The following ANXA4 variants were observed in gnomAD, a reference collection of about 807,000 sequenced individuals.
ANXA4 encodes the protein 35-beta calcimedin.
Under a neutral mutation model 49.8 loss-of-function variants are expected in ANXA4, and 39 were observed. The observed-to-expected ratio is 0.78, with a 90% CI of 0.61 to 1.02. The LOEUF (loss-of-function observed/expected upper bound fraction) is 1.02. ANXA4 is among the 50% of genes least tolerant of loss of function. The pLI, the probability that ANXA4 is intolerant of heterozygous loss-of-function variation, is 0.00. For synonymous variants in ANXA4, 134 were observed against 152.5 expected (o/e 0.88, Z 0.89); for missense variants, 360 against 410.1 (o/e 0.88, Z 1.05).
chr2:69,770,628 C>A (rs1671667453), intron 1 of ANXA4, among the ~76,000 whole-genome samples: 1 of 152,038 alleles, frequency 6.6e-6, no homozygotes, highest in African/African-American at 2.4e-5. Flanking sequence ...GGTGAATTCA[C>A]CACAATGCAA....
chr2:69,782,376 T>G (rs1672233831), intron 2 of ANXA4, among the ~76,000 whole-genome samples: 1 of 152,224 alleles, frequency 6.6e-6, no homozygotes, highest in African/African-American at 2.4e-5. Context: ...TCTTTTGCAT[T>G]AGATATTCCA....
chr2:69,668,354 G>T (rs1002415891), intron 2 of ANXA4, among the ~76,000 whole-genome samples: 8 of 152,188 alleles, frequency 5.3e-5, no homozygotes, highest in African/African-American at 1.9e-4. Flanking sequence ...GCTCATGCCT[G>T]TAATCCCAGC....
At chr2:69,715,920 A>G (rs954807357) in intron 2 of ANXA4, among the ~76,000 whole-genome samples, 2 of 152,180 alleles carry the variant, frequency 1.3e-5, no homozygotes, top group African/African-American at 4.8e-5. Flanking sequence ...AGAGAGTCCA[A>G]GGCATGGTCA....
intron 2 of ANXA4, among the ~76,000 whole-genome samples, chr2:69,673,098 A>T (rs1278755498): frequency 2.0e-5 from 3 of 152,206 alleles, no homozygotes; most frequent in African/African-American, 7.2e-5. Flanking sequence ...ATTGTGGAAG[A>T]CAGTGTGGCA....
chr2:69,790,562 C>T (rs553591856), intron 3 of ANXA4, among the ~76,000 whole-genome samples: 2 of 152,218 alleles, frequency 1.3e-5, no homozygotes, highest in Admixed American at 1.3e-4. Context: ...TTGTTTGATA[C>T]CTGTGAGCCA....
At chr2:69,757,262 ATATATTTT>A (rs1236820173) in intron 1 of ANXA4, among the ~76,000 whole-genome samples, 7,501 of 47,018 alleles carry the variant, frequency 0.16, 177 homozygotes, top group East Asian at 0.27. Flanking sequence ...ATATATATAT[ATATATTTT>A]TTTTTTTTTT....
chr2:69,781,240 T>C, intron 1 of ANXA4: 1 of 457,466 alleles, frequency 2.2e-6, no homozygotes, highest in East Asian at 4.1e-5. Flanking sequence ...GTATTGGTAC[T>C]TAACCTAACA....
chr2:69,785,623 G>A (rs773564400), intron 2 of ANXA4, among the ~76,000 whole-genome samples: 2 of 151,962 alleles, frequency 1.3e-5, no homozygotes, highest in Non-Finnish European at 2.9e-5. Context: ...TCTGGGTTTT[G>A]TGCTAAGTGC....
intron 3 of ANXA4, among the ~76,000 whole-genome samples, chr2:69,790,330 G>A (rs1438604395): frequency 6.6e-6 from 1 of 152,076 alleles, no homozygotes; most frequent in Non-Finnish European, 1.5e-5. Flanking sequence ...GGCGTTGTGT[G>A]GGGAACAGCA....
chr2:69,743,063 G>C (rs1273822238), intron 1 of ANXA4, among the ~76,000 whole-genome samples: 1 of 152,188 alleles, frequency 6.6e-6, no homozygotes, highest in African/African-American at 2.4e-5. Context: ...GCCCAGGCTG[G>C]AGTGCAGTGG....
At chr2:69,653,063 T>C (rs1420788023) in exon 2 of ANXA4, 1 of 152,196 alleles carries the variant, frequency 6.6e-6, no homozygotes, top group African/African-American at 2.4e-5. Context: ...GTGTGATCTG[T>C]GTCTGAGGAA....
Position 69,656,062 on chromosome 2 carries a change from A to T in ANXA4, n.766+2780A>T, listed in dbSNP as rs544628583. Among the ~76,000 whole-genome samples, 27 of 151,770 alleles carry T rather than the reference A, an allele frequency of 1.8e-4. No homozygotes were observed. The South Asian group carries it at 5.6e-3, about 32-fold the overall frequency. On this transcript the variant is annotated intron_variant and non_coding_transcript_variant, in intron 2 of 3. Transcript: ENST00000418066. ...CTAAGGGAGGGATAGCGTTAGAAGAAATACCTAATGTAGATGATGGGTTGA... is the reference window on the plus strand; with the variant it reads ...CTAAGGGAGGGATAGCGTTAGAAGATATACCTAATGTAGATGATGGGTTGA...
At chr2:69,727,798 A>T (rs1669999881) in intron 3 of ANXA4, among the ~76,000 whole-genome samples, 1 of 152,146 alleles carries the variant, frequency 6.6e-6, no homozygotes, top group Non-Finnish European at 1.5e-5. Flanking sequence ...GCTTATTACG[A>T]TTTTAACAAT....
exon 1 of ANXA4, chr2:69,644,456 C>G (rs569505129): frequency 6.6e-6 from 1 of 152,392 alleles, no homozygotes; most frequent in South Asian, 2.1e-4. Context: ...CCGCCCCTAA[C>G]CTCAAAAGCT....
At chr2:69,726,126 C>T (rs934169477) in intron 3 of ANXA4, among the ~76,000 whole-genome samples, 4 of 152,124 alleles carry the variant, frequency 2.6e-5, no homozygotes, top group Non-Finnish European at 4.4e-5. Flanking sequence ...GGAGGGACCT[C>T]GAGGTAATTG....
chr2:69,733,918 A>G (rs541551832), intron 3 of ANXA4, among the ~76,000 whole-genome samples: 9 of 150,348 alleles, frequency 6.0e-5, no homozygotes, highest in African/African-American at 2.0e-4. Flanking sequence ...TGAAAACTCT[A>G]TCCATGCTTT....
At chr2:69,696,072 C>T (rs191567316) in intron 2 of ANXA4, among the ~76,000 whole-genome samples, 37 of 152,070 alleles carry the variant, frequency 2.4e-4, no homozygotes, top group Admixed American at 1.0e-3. Flanking sequence ...TGAAATTTGC[C>T]GCATTTATTG....
intron 1 of ANXA4, among the ~76,000 whole-genome samples, chr2:69,651,821 G>GTC (rs1676253158): frequency 2.4e-5 from 1 of 41,516 alleles, no homozygotes; most frequent in Admixed American, 2.2e-4. Context: ...TTTTTTTGGG[G>GTC]GGGGGGGGCG....
rs1241561810 is a variant in ANXA4, at chr2:69,820,728, C to T, written c.813C>T (p.Ile271=). The change falls in exon 12 of 13, where the codon ATC becomes ATT. Residue 271 remains isoleucine, a synonymous_variant. Transcript: ENST00000394295. ...TGGGCACCGATGATAACACCCTCAT[C>T]AGAGTGATGGTTTCTCGAGCAGAAA... is the stretch of plus-strand genomic sequence containing the variant. ...KGLGTDDNTL[I]RVMVSRAEID... 2 of 1,613,976 alleles carry T rather than the reference C, an allele frequency of 1.2e-6. No individual in the cohort carries two copies. The highest frequency in any genetic ancestry group is 1.3e-5 in the African/African-American group (1 of 74,874).
Sources: gnomAD v4.1 joint callset for allele counts (sites outside exome capture counted in the v4.1 genomes callset) on GRCh38, gnomAD v4.1.1 for gene constraint, MANE v1.5 for transcripts, NCBI Gene and HGNC (gene_info 2026-07-23, HGNC 2026-07-21) for gene names.